The following USP49 variants were observed in gnomAD, a reference collection of about 807,000 sequenced individuals.
USP49 encodes the protein ubiquitin carboxyl-terminal hydrolase 49.
USP49 carries 24 observed loss-of-function variants against 58.6 expected under a neutral mutation model. The ratio of observed to expected loss-of-function variants is 0.41; its 90% CI spans 0.30 to 0.58. USP49 has a LOEUF of 0.58. USP49 is among the 20% of genes least tolerant of loss of function. The pLI, the probability that USP49 is intolerant of heterozygous loss-of-function variation, is 0.30. For missense variants in USP49, 703 were observed against 866.1 expected (o/e 0.81, Z 2.36); for synonymous variants, 408 against 365.1 (o/e 1.12, Z -1.34).
At chr6:41,848,870 A>AT (rs1253047250) in intron 3 of USP49, among the ~76,000 whole-genome samples, 1 of 151,188 alleles carries the variant, frequency 6.6e-6, no homozygotes, top group African/African-American at 2.4e-5. Context: ...AAAAAAAAAA[A>AT]TGAGAGAGAG....
chr6:41,856,615 T>C (rs192691284), intron 3 of USP49, among the ~76,000 whole-genome samples: 41 of 152,266 alleles, frequency 2.7e-4, no homozygotes, highest in Admixed American at 2.2e-3. Context: ...CTAGGGGGCA[T>C]GGACAAGCAC....
chr6:41,861,631 G>GT (rs1283489175), intron 3 of USP49, among the ~76,000 whole-genome samples: 1 of 151,550 alleles, frequency 6.6e-6, no homozygotes, highest in Non-Finnish European at 1.5e-5. Context: ...ATTGTATCCT[G>GT]TATGTTATTC....
At chr6:41,812,348 G>C (rs183470087) in intron 3 of USP49, among the ~76,000 whole-genome samples, 2,139 of 150,682 alleles carry the variant, frequency 0.014, 27 homozygotes, top group South Asian at 0.062. Context: ...CAAAGTGCTG[G>C]GATTACAGGC....
chr6:41,792,604 G>A lies in USP49; in HGVS notation c.*3929C>T, dbSNP rs904827902. On this transcript the variant is annotated 3_prime_UTR_variant, in exon 8 of 8. Transcript: ENST00000682992. ...GAAGTGAAAAACAATGGAGTACACA[G>A]TCTGCCTTGAAAAGCAGCCATTTGA... 2 of 152,198 alleles carry A rather than the reference G, an allele frequency of 1.3e-5. No individual in the cohort carries two copies. The highest frequency in any genetic ancestry group is 4.8e-5 in the African/African-American group (2 of 41,446). 9.4% of individuals were successfully genotyped at this position (152,198 alleles called of 1,614,324 possible).
intron 3 of USP49, among the ~76,000 whole-genome samples, chr6:41,828,288 C>T (rs1267764862): frequency 1.4e-5 from 2 of 145,640 alleles, no homozygotes; most frequent in Non-Finnish European, 3.0e-5. Context: ...ACTAAAAATA[C>T]AAAAAAAAAA....
At chr6:41,887,429 T>C (rs1421986562) in intron 2 of USP49, 1 of 152,148 alleles carries the variant, frequency 6.6e-6, no homozygotes, top group East Asian at 1.9e-4. Flanking sequence ...CAGACTGCCG[T>C]GCTAATCCTC....
intron 3 of USP49, among the ~76,000 whole-genome samples, chr6:41,842,677 T>G (rs1413511481): frequency 2.0e-5 from 3 of 152,124 alleles, no homozygotes; most frequent in Non-Finnish European, 4.4e-5. Flanking sequence ...GACTTCAAAA[T>G]ACAGTTAAAT....
intron 3 of USP49, among the ~76,000 whole-genome samples, chr6:41,848,851 G>A (rs1442632669): frequency 3.4e-5 from 5 of 147,546 alleles, no homozygotes; most frequent in South Asian, 4.3e-4. Flanking sequence ...GTGAGACACC[G>A]TCTAAAAAAA....
chr6:41,797,808 G>C, intron 7 of USP49: 1 of 985,738 alleles, frequency 1.0e-6, no homozygotes, highest in Non-Finnish European at 1.2e-6. Context: ...CAATACTTTT[G>C]ATAATACTAC....
At chr6:41,830,638 C>T (rs1297601704) in intron 3 of USP49, among the ~76,000 whole-genome samples, 1 of 151,922 alleles carries the variant, frequency 6.6e-6, no homozygotes, top group African/African-American at 2.4e-5. Context: ...ACCAGCCTGG[C>T]CAACATGGTG....
chr6:41,854,916 G>A (rs1399988608), intron 3 of USP49, among the ~76,000 whole-genome samples: 1 of 151,944 alleles, frequency 6.6e-6, no homozygotes, highest in African/African-American at 2.4e-5. Context: ...GGGACTACAG[G>A]TGCATACTAA....
At chr6:41,807,388 A>T (rs757961118) in intron 3 of USP49, among the ~76,000 whole-genome samples, 9 of 152,238 alleles carry the variant, frequency 5.9e-5, no homozygotes, top group Admixed American at 3.9e-4. Context: ...TAAGAGAAAG[A>T]AAGTCCTCAC....
chr6:41,859,919 C>T (rs1008156987), intron 3 of USP49, among the ~76,000 whole-genome samples: 1 of 152,102 alleles, frequency 6.6e-6, no homozygotes, highest in Admixed American at 6.6e-5. Flanking sequence ...AGTGTGTAAC[C>T]TGTGTCTAAA....
At chr6:41,862,976 C>T (rs1774249398) in intron 3 of USP49, among the ~76,000 whole-genome samples, 1 of 152,066 alleles carries the variant, frequency 6.6e-6, no homozygotes, top group South Asian at 2.1e-4. Flanking sequence ...GGGGTTTCGC[C>T]AGGTTGGCTG....
Position 41,796,528 on chromosome 6 carries a change from C to G in USP49, c.*5G>C. On this transcript the variant is annotated 3_prime_UTR_variant, in exon 8 of 8. Coordinates refer to ENST00000682992, the MANE Select transcript of USP49 (RefSeq NM_001286554.2). ...AAAAGCCAGTCTTTGATACATGCCT[C>G]CCATTCAGGAAAATGTCTGTGGTCT... The G allele has an allele frequency of 1.4e-6, 1 of 717,040 alleles. No homozygotes were observed. 44.4% of individuals were successfully genotyped at this position (717,040 alleles called of 1,614,324 possible).
chr6:41,852,929 C>A (rs1774055746), intron 3 of USP49, among the ~76,000 whole-genome samples: 1 of 152,206 alleles, frequency 6.6e-6, no homozygotes, highest in African/African-American at 2.4e-5. Context: ...GTGGCTCACA[C>A]CTGTAATCCC....
chr6:41,865,821 T>TC (rs1554147656), intron 3 of USP49, among the ~76,000 whole-genome samples: 21 of 125,942 alleles, frequency 1.7e-4, no homozygotes, highest in South Asian at 7.6e-4. Flanking sequence ...TTTTTTTTTT[T>TC]CCCCCAGAGA....
intron 3 of USP49, among the ~76,000 whole-genome samples, chr6:41,822,667 A>G (rs1002669237): frequency 6.6e-6 from 1 of 152,134 alleles, no homozygotes; most frequent in Non-Finnish European, 1.5e-5. Flanking sequence ...CCAACATGGT[A>G]AAACCCCATC....
chr6:41,890,481 G>A (rs1774794378), intron 2 of USP49, among the ~76,000 whole-genome samples: 1 of 151,970 alleles, frequency 6.6e-6, no homozygotes, highest in African/African-American at 2.4e-5. Flanking sequence ...GGGAGGTTAA[G>A]GTGGGCAGAT....
Sources: gnomAD v4.1 joint callset for allele counts (sites outside exome capture counted in the v4.1 genomes callset) on GRCh38, gnomAD v4.1.1 for gene constraint, MANE v1.5 for transcripts, NCBI Gene and HGNC (gene_info 2026-07-23, HGNC 2026-07-21) for gene names.